SYT1: variants seen among roughly 807,000 people sequenced by gnomAD.
SYT1 encodes the protein synaptotagmin 1.
In SYT1, 8 loss-of-function variants were observed where a neutral mutation model predicts 44.8. That is an observed-to-expected ratio of 0.18 (90% CI 0.10 to 0.32). The LOEUF (loss-of-function observed/expected upper bound fraction) is 0.32, where lower values mean the gene tolerates loss of function less well. SYT1 is among the 10% of genes least tolerant of loss of function. The pLI is 1.00. For synonymous variants in SYT1, 154 were observed against 188.8 expected, an observed-to-expected ratio of 0.82 and a Z score of 1.51; for missense variants, 286 against 509.3, an observed-to-expected ratio of 0.56 and a Z score of 4.22.
chr12:78,932,218 TTTAA>T (rs543662253), intron 1 of SYT1, among the ~76,000 whole-genome samples: 18 of 152,214 alleles, frequency 1.2e-4, no homozygotes, highest in Non-Finnish European at 2.4e-4. Context: ...TTTGGTTTTG[TTTAA>T]TTAATTCATT....
intron 1 of SYT1, among the ~76,000 whole-genome samples, chr12:78,882,008 A>G (rs1390563644): frequency 2.0e-5 from 3 of 151,710 alleles, no homozygotes; most frequent in African/African-American, 7.3e-5. Flanking sequence ...CACAATTTGC[A>G]ATTATATATT....
intron 1 of SYT1, among the ~76,000 whole-genome samples, chr12:78,922,936 G>A (rs1189059318): frequency 2.0e-5 from 3 of 149,722 alleles, no homozygotes; most frequent in African/African-American, 7.3e-5. Context: ...AAGTTGTATA[G>A]TCAGGACGAG....
intron 3 of SYT1, among the ~76,000 whole-genome samples, chr12:79,116,734 A>G (rs1027268687): frequency 6.6e-6 from 1 of 152,176 alleles, no homozygotes; most frequent in Non-Finnish European, 1.5e-5. Context: ...TCACTTTATT[A>G]TAGGATAACT....
At chr12:79,134,282 C>T (rs1869041198) in intron 3 of SYT1, among the ~76,000 whole-genome samples, 1 of 152,142 alleles carries the variant, frequency 6.6e-6, no homozygotes, top group South Asian at 2.1e-4. Flanking sequence ...TTTACAAAGG[C>T]ATATTTGAAT....
At chr12:79,332,070 G>T (rs1881881315) in intron 8 of SYT1, among the ~76,000 whole-genome samples, 1 of 152,058 alleles carries the variant, frequency 6.6e-6, no homozygotes, top group African/African-American at 2.4e-5. Flanking sequence ...TCCTCTATTA[G>T]TCATTTCTCA....
chr12:78,918,918 T>C (rs1013712330), intron 1 of SYT1, among the ~76,000 whole-genome samples: 1 of 152,092 alleles, frequency 6.6e-6, no homozygotes, highest in Non-Finnish European at 1.5e-5. Context: ...AGTATGTATA[T>C]TGTTACCTCA....
chr12:79,179,219 T>G (rs1482947076), intron 3 of SYT1, among the ~76,000 whole-genome samples: 4 of 24,954 alleles, frequency 1.6e-4, no homozygotes, highest in Non-Finnish European at 2.8e-4. Flanking sequence ...GATATAGATA[T>G]ATAGATATAG....
chr12:79,281,124 A>G (rs1185635347), intron 4 of SYT1, among the ~76,000 whole-genome samples: 1 of 152,140 alleles, frequency 6.6e-6, no homozygotes, highest in Non-Finnish European at 1.5e-5. Flanking sequence ...CAGTTCTACC[A>G]TTTGATCCAG....
At chr12:79,441,741 C>T (rs1047119699) in intron 9 of SYT1, among the ~76,000 whole-genome samples, 4 of 152,190 alleles carry the variant, frequency 2.6e-5, no homozygotes, top group Admixed American at 6.5e-5. Context: ...TTGACCTCAC[C>T]GTCTACCTCT....
intron 9 of SYT1, among the ~76,000 whole-genome samples, chr12:79,420,382 T>C (rs144444811): frequency 8.5e-5 from 13 of 152,294 alleles, no homozygotes; most frequent in African/African-American, 2.9e-4. Context: ...AATTGCTGCA[T>C]CTTATACCTG....
Position 79,047,375 on chromosome 12 carries a change from A to G in SYT1, c.-18+13A>G, listed in dbSNP as rs1426697099. 6.6e-6 allele frequency: 1 copy of G among 151,854 alleles called. No individual in the cohort carries two copies. Among genetic ancestry groups the G allele is most frequent in the Non-Finnish European group, 1.5e-5 (1 of 67,760 alleles). The allele number at this position is 151,854 out of a possible 1,614,324, so 9.4% of individuals were successfully genotyped here. A position where few individuals can be genotyped will look rare whatever the true frequency, so the allele number is the denominator to read the frequency against. On this transcript the variant is annotated intron_variant, in intron 3 of 10. Transcript: ENST00000261205. ...TCCTAATAGAACAGTAAGTACTTTA[A>G]TGACACAATGATGATAATAAATCTG... is the stretch of plus-strand genomic sequence containing the variant.
intron 4 of SYT1, among the ~76,000 whole-genome samples, chr12:79,263,231 A>C (rs1592910207): frequency 1.4e-5 from 2 of 147,862 alleles, no homozygotes; most frequent in African/African-American, 5.0e-5. Context: ...CACTCCATTC[A>C]CTTCTTTGTT....
chr12:79,295,202 G>T (rs979850055), intron 6 of SYT1, among the ~76,000 whole-genome samples: 3 of 152,024 alleles, frequency 2.0e-5, no homozygotes, highest in African/African-American at 7.2e-5. Context: ...TCAGTCTGTT[G>T]ACACAAAATC....
intron 9 of SYT1, among the ~76,000 whole-genome samples, chr12:79,390,506 G>T (rs760897040): frequency 2.0e-5 from 3 of 151,790 alleles, no homozygotes; most frequent in Non-Finnish European, 4.4e-5. Flanking sequence ...GTGCTTGCAG[G>T]CACCTCTTTT....
chr12:79,379,217 A>T (rs911286982), intron 9 of SYT1, among the ~76,000 whole-genome samples: 1 of 152,202 alleles, frequency 6.6e-6, no homozygotes. Context: ...GTTAATCAAA[A>T]TATGAGGAAA....
At chr12:79,135,698 G>A (rs1391779149) in intron 3 of SYT1, among the ~76,000 whole-genome samples, 1 of 152,088 alleles carries the variant, frequency 6.6e-6, no homozygotes, top group Non-Finnish European at 1.5e-5. Context: ...TCTTGCTTTC[G>A]ATAGTAAAAG....
chr12:79,186,011 G>T (rs571411192), intron 3 of SYT1, among the ~76,000 whole-genome samples: 9 of 151,854 alleles, frequency 5.9e-5, no homozygotes, highest in Non-Finnish European at 1.2e-4. Flanking sequence ...ATCTTTCTTT[G>T]TTCAAGAAGC....
intron 1 of SYT1, among the ~76,000 whole-genome samples, chr12:78,952,937 A>G: frequency 6.6e-6 from 1 of 152,136 alleles, no homozygotes. Flanking sequence ...TAGATTAAAG[A>G]AAGGAAAAAT....
chr12:79,121,055 A>ATACATC (rs2138133341), intron 3 of SYT1, among the ~76,000 whole-genome samples: 1 of 152,166 alleles, frequency 6.6e-6, no homozygotes, highest in East Asian at 1.9e-4. Context: ...GCATATGTTC[A>ATACATC]TACATCTATC....
Sources: allele counts gnomAD v4.1 joint callset (sites outside exome capture counted in the v4.1 genomes callset), GRCh38; gene constraint gnomAD v4.1.1; transcripts MANE v1.5; gene names NCBI Gene and HGNC (gene_info 2026-07-23, HGNC 2026-07-21).